Variants in MAP4 observed in about 807,000 individuals in gnomAD.
MAP4 encodes microtubule-associated protein 4.
A neutral mutation model predicts 170.2 loss-of-function variants in MAP4; 76 were observed. That is an observed-to-expected ratio of 0.45 (90% CI 0.37 to 0.54). The LOEUF is 0.54. Ranked by LOEUF, MAP4 falls within the 20% of genes least tolerant of loss-of-function variation. MAP4 has a pLI of 0.00. For missense variants in MAP4, 2,506 were observed against 2,748.0 expected, an observed-to-expected ratio of 0.91 and a Z score of 1.97; for synonymous variants, 909 against 994.5, an observed-to-expected ratio of 0.91 and a Z score of 1.62.
chr3:48,030,174 A>G (rs1282365194), intron 1 of MAP4, among the ~76,000 whole-genome samples: 1 of 150,966 alleles, frequency 6.6e-6, no homozygotes, highest in African/African-American at 2.4e-5. Flanking sequence ...GGATCATCTA[A>G]GGCTAAGAAT....
chr3:47,893,089 AG>A (rs1293146026), intron 10 of MAP4, among the ~76,000 whole-genome samples: 1 of 151,874 alleles, frequency 6.6e-6, no homozygotes, highest in Non-Finnish European at 1.5e-5. Context: ...TCATTCTCAG[AG>A]GAAGAGTGGG....
chr3:47,976,376 T>A (rs888180561), intron 3 of MAP4, among the ~76,000 whole-genome samples: 1 of 152,234 alleles, frequency 6.6e-6, no homozygotes, highest in South Asian at 2.1e-4. Flanking sequence ...CATGACTTCC[T>A]ACTGGAGAAG....
At chr3:47,981,254 T>C (rs1481798891) in intron 2 of MAP4, among the ~76,000 whole-genome samples, 1 of 152,124 alleles carries the variant, frequency 6.6e-6, no homozygotes, top group Non-Finnish European at 1.5e-5. Context: ...AGGTATCTAA[T>C]AGCTAAATAT....
intron 4 of MAP4, 57 bp from the exon 5 acceptor site, chr3:47,921,935 A>G (rs768816537): frequency 1.2e-6 from 1 of 812,980 alleles, no homozygotes; most frequent in Admixed American, 2.0e-5. Context: ...AGAAAGATTA[A>G]TATTTCTTTC....
intron 3 of MAP4, among the ~76,000 whole-genome samples, chr3:47,954,723 G>T (rs919673516): frequency 2.0e-5 from 3 of 152,158 alleles, no homozygotes; most frequent in Non-Finnish European, 4.4e-5. Context: ...TGCTACTGTG[G>T]CCTATCAGTC....
At chr3:47,878,229 C>G (rs1356342513) in intron 10 of MAP4, among the ~76,000 whole-genome samples, 2 of 152,058 alleles carry the variant, frequency 1.3e-5, no homozygotes, top group South Asian at 4.1e-4. Context: ...GTCAAGAGGC[C>G]ACAAGAGATA....
chr3:47,930,745 A>G (rs962543972), intron 3 of MAP4, among the ~76,000 whole-genome samples: 12 of 151,734 alleles, frequency 7.9e-5, no homozygotes, highest in South Asian at 4.2e-4. Context: ...TGGCTAACAC[A>G]GTGAAACCCT....
At chr3:47,918,248 T>C (rs184130503) in intron 6 of MAP4, among the ~76,000 whole-genome samples, 3 of 152,248 alleles carry the variant, frequency 2.0e-5, no homozygotes, top group African/African-American at 7.2e-5. Context: ...CCTCCCAAAG[T>C]GTTGGGATTA....
chr3:47,875,676 A>G lies in MAP4; in HGVS notation c.5757+9T>C. The G allele has an allele frequency of 1.9e-6, 3 of 1,610,470 alleles. No individual in the cohort carries two copies. The highest frequency in any genetic ancestry group is 2.5e-6 in the Non-Finnish European group (3 of 1,179,014). On this transcript the variant is annotated intron_variant, in intron 12 of 20. Coordinates refer to ENST00000683076, the MANE Select transcript of MAP4 (RefSeq NM_001385682.1). ...TTTTCCTCGGCACAGTAGTTAGGTG[A>G]CCACTTACCTTTGGCTTCACGTCTT...
chr3:47,974,809 T>C (rs533049562), intron 3 of MAP4: 480 of 968,578 alleles, frequency 5.0e-4, no homozygotes, highest in Admixed American at 2.0e-3. Context: ...TAAAGGATTA[T>C]TTAATTTGGA....
At chr3:47,868,524 C>T (rs561756530) in intron 16 of MAP4, among the ~76,000 whole-genome samples, 3 of 152,226 alleles carry the variant, frequency 2.0e-5, no homozygotes, top group South Asian at 4.1e-4. Context: ...GGCTGGAGTG[C>T]GGGCTTCTCT....
At chr3:47,986,361 G>T (rs7431572) in intron 2 of MAP4, among the ~76,000 whole-genome samples, 91,249 of 151,158 alleles carry the variant, frequency 0.6, 28,722 homozygotes, top group East Asian at 0.72. Context: ...TATTTTTTTT[G>T]AGATGGAGTC....
intron 10 of MAP4, among the ~76,000 whole-genome samples, chr3:47,882,117 A>T (rs1184937936): frequency 6.6e-6 from 1 of 152,126 alleles, no homozygotes; most frequent in African/African-American, 2.4e-5. Context: ...CATCTCTACT[A>T]AAAATACATA....
upstream of MAP4, among the ~76,000 whole-genome samples, chr3:48,020,223 G>C (rs972551380): frequency 5.3e-5 from 8 of 152,138 alleles, no homozygotes; most frequent in African/African-American, 1.9e-4. Flanking sequence ...CCCACCCAGA[G>C]TTCCCCTTAA....
intron 3 of MAP4, among the ~76,000 whole-genome samples, chr3:47,965,069 G>A (rs1378769269): frequency 1.3e-5 from 2 of 152,062 alleles, no homozygotes; most frequent in African/African-American, 2.4e-5. Flanking sequence ...CTGTAAATTT[G>A]ACTACTTAAG....
At chr3:47,885,415 G>A (rs1015681877) in intron 10 of MAP4, among the ~76,000 whole-genome samples, 1 of 151,888 alleles carries the variant, frequency 6.6e-6, no homozygotes, top group African/African-American at 2.4e-5. Context: ...TCAGTCCCAG[G>A]GAATTCACTG....
chr3:47,981,166 C>A (rs1452561619), intron 2 of MAP4, among the ~76,000 whole-genome samples: 1 of 152,088 alleles, frequency 6.6e-6, no homozygotes, highest in Non-Finnish European at 1.5e-5. Context: ...TGTCCACCAA[C>A]AGATTATAAT....
chr3:48,031,823 G>A (rs1175984214), intron 1 of MAP4, among the ~76,000 whole-genome samples: 1 of 152,172 alleles, frequency 6.6e-6, no homozygotes, highest in Non-Finnish European at 1.5e-5. Flanking sequence ...GGAGGTTCCA[G>A]TGAACTGTGA....
At chr3:47,904,637 CT>C (rs557636238) in intron 9 of MAP4, among the ~76,000 whole-genome samples, 283 of 43,360 alleles carry the variant, frequency 6.5e-3, no homozygotes, top group African/African-American at 9.4e-3. Flanking sequence ...CTAATAATAT[CT>C]TTTTTTTTTT....
Sources: gnomAD v4.1 joint callset for allele counts (sites outside exome capture counted in the v4.1 genomes callset) on GRCh38, gnomAD v4.1.1 for gene constraint, MANE v1.5 for transcripts, NCBI Gene and HGNC (gene_info 2026-07-23, HGNC 2026-07-21) for gene names.